Variants in ITGB8 observed in about 807,000 individuals in gnomAD.
ITGB8 encodes the protein integrin subunit beta 8.
Under a neutral mutation model 89.5 loss-of-function variants are expected in ITGB8, and 30 were observed. The observed-to-expected ratio is 0.34, with a 90% confidence interval of 0.25 to 0.45. ITGB8 has a LOEUF of 0.45. ITGB8 is among the 20% of genes least tolerant of loss of function. The pLI is 1.00. For synonymous variants in ITGB8, 335 were observed against 320.4 expected, an observed-to-expected ratio of 1.05 and a Z score of -0.49; for missense variants, 836 against 933.3, an observed-to-expected ratio of 0.90 and a Z score of 1.36.
chr7:20,379,491 T>A (rs1421560543), intron 4 of ITGB8, 194 bp downstream of exon 4: 1 of 247,926 alleles, frequency 4.0e-6, no homozygotes, highest in Non-Finnish European at 7.5e-6. Context: ...CTTTTTATTT[T>A]ATATTTCTTT....
At chr7:20,363,552 T>C (rs927326875) in intron 1 of ITGB8, 85 bp from the exon 2 acceptor site, 2 of 668,558 alleles carry the variant, frequency 3.0e-6, no homozygotes, top group Non-Finnish European at 4.6e-6. Context: ...TTTGTTTCAA[T>C]TGTTCATTTG....
At chr7:20,339,025 C>G (rs1046785745) in intron 1 of ITGB8, among the ~76,000 whole-genome samples, 1 of 151,992 alleles carries the variant, frequency 6.6e-6, no homozygotes, top group Admixed American at 6.6e-5. Flanking sequence ...AACCCTGTCT[C>G]TACTAAAAAT....
Position 20,346,876 on chromosome 7 carries a change from T to C in ITGB8, c.127+14943T>C, listed in dbSNP as rs1335024882. On this transcript the variant is annotated intron_variant, in intron 1 of 13. Transcript: ENST00000222573. ...TTGGAGTTAATGGCAGGTAGATTTG[T>C]TAGAACTTTATGCTATGGTCTAAAT... The C allele has an allele frequency of 3.0e-6, 3 of 983,840 alleles. No individual in the cohort carries two copies. The African/African-American group carries it at 5.2e-5, about 17-fold the overall frequency. 60.9% of individuals were successfully genotyped at this position (983,840 alleles called of 1,614,324 possible). A position where few individuals can be genotyped will look rare whatever the true frequency, so the allele number is the denominator to read the frequency against.
intron 1 of ITGB8, among the ~76,000 whole-genome samples, chr7:20,347,647 G>A (rs544085241): frequency 6.6e-6 from 1 of 152,322 alleles, no homozygotes; most frequent in East Asian, 1.9e-4. Context: ...TCAGGAAGAG[G>A]AACATAATGT....
rs1787862293 is a variant in ITGB8, at chr7:20,414,278, G to A, written c.*4281G>A. On this transcript the variant is annotated 3_prime_UTR_variant, in exon 14 of 14. Coordinates refer to ENST00000222573, the MANE Select transcript of ITGB8 (RefSeq NM_002214.3). The stretch of plus-strand genomic sequence containing the variant: ...TGAGTCACGCACAACTCAACATGGA[G>A]CCTAACTGATTATCAGCTCAGATCC... The A allele has an allele frequency of 6.6e-6, 1 of 152,100 alleles. No homozygotes were observed. Among genetic ancestry groups the A allele is most frequent in the Non-Finnish European group, 1.5e-5 (1 of 67,986 alleles). 9.4% of individuals were successfully genotyped at this position (152,100 alleles called of 1,614,324 possible).
intron 3 of ITGB8, among the ~76,000 whole-genome samples, chr7:20,371,352 C>CA (rs1328342406): frequency 1.3e-5 from 2 of 152,098 alleles, no homozygotes; most frequent in African/African-American, 4.8e-5. Context: ...AAAATCCAAG[C>CA]AAATCAAATG....
chr7:20,405,658 T>G (rs994253288), intron 11 of ITGB8, among the ~76,000 whole-genome samples: 1 of 152,074 alleles, frequency 6.6e-6, no homozygotes, highest in Non-Finnish European at 1.5e-5. Flanking sequence ...ATGGTGTCTG[T>G]GACACACCCT....
intron 1 of ITGB8, among the ~76,000 whole-genome samples, chr7:20,356,694 AG>A (rs1785306542): frequency 6.6e-6 from 1 of 152,206 alleles, no homozygotes; most frequent in African/African-American, 2.4e-5. Flanking sequence ...CAAGTACTAC[AG>A]TCTTTGTCAG....
At chr7:20,360,455 T>C (rs931251931) in intron 1 of ITGB8, among the ~76,000 whole-genome samples, 14 of 129,332 alleles carry the variant, frequency 1.1e-4, no homozygotes, top group Admixed American at 1.4e-4. Context: ...ATCAGCCAAA[T>C]TGTGTACATT....
chr7:20,362,433 A>G (rs1043299077), intron 1 of ITGB8, among the ~76,000 whole-genome samples: 1 of 152,210 alleles, frequency 6.6e-6, no homozygotes, highest in Non-Finnish European at 1.5e-5. Flanking sequence ...GAAGAAAGAA[A>G]ACGAGATGGC....
At chr7:20,396,196 T>C (rs956431302) in intron 8 of ITGB8, among the ~76,000 whole-genome samples, 1 of 151,992 alleles carries the variant, frequency 6.6e-6, no homozygotes, top group Non-Finnish European at 1.5e-5. Context: ...CCCAGCACTT[T>C]GGGAGGCCGA....
chr7:20,399,073 C>A (rs1466430156), intron 9 of ITGB8, 79 bp downstream of exon 9: 1 of 1,471,844 alleles, frequency 6.8e-7, no homozygotes, highest in Non-Finnish European at 9.2e-7. Context: ...GCAAACCATT[C>A]TGAAAAATTT....
At chr7:20,381,705 T>A (rs1335431754) in intron 5 of ITGB8, 22 bp from the exon 6 acceptor site, 4 of 1,579,386 alleles carry the variant, frequency 2.5e-6, no homozygotes, top group Middle Eastern at 1.7e-4. Context: ...GTACAAAGTC[T>A]AATTACATGT....
chr7:20,364,423 C>G (rs1785617250), intron 2 of ITGB8, among the ~76,000 whole-genome samples: 1 of 152,132 alleles, frequency 6.6e-6, no homozygotes, highest in Non-Finnish European at 1.5e-5. Flanking sequence ...AACAACTGTG[C>G]CTACTGTTAT....
intron 6 of ITGB8, among the ~76,000 whole-genome samples, chr7:20,385,828 A>G (rs1405844599): frequency 6.6e-6 from 1 of 152,182 alleles, no homozygotes; most frequent in Admixed American, 6.5e-5. Context: ...CGTTCATAAC[A>G]CTATTACATT....
At chr7:20,350,138 T>G (rs1785064572) in intron 1 of ITGB8, among the ~76,000 whole-genome samples, 2 of 152,148 alleles carry the variant, frequency 1.3e-5, no homozygotes, top group South Asian at 4.1e-4. Context: ...TTCCCTGTAT[T>G]GAAGTTGTTG....
At chr7:20,403,121 T>A (rs374951131) in intron 10 of ITGB8, among the ~76,000 whole-genome samples, 2 of 152,376 alleles carry the variant, frequency 1.3e-5, no homozygotes, top group East Asian at 3.9e-4. Context: ...ATCACCTAAA[T>A]GTGCAATGGA....
intron 1 of ITGB8, among the ~76,000 whole-genome samples, chr7:20,338,403 G>A (rs55871833): frequency 0.044 from 6,768 of 152,126 alleles, 192 homozygotes; most frequent in Non-Finnish European, 0.067. Flanking sequence ...GAGGTGGGAG[G>A]AACACTTGAT....
Position 20,380,766 on chromosome 7 carries a change from A to G in ITGB8, c.736A>G (p.Ile246Val). 1 of 1,613,916 alleles carries G rather than the reference A, an allele frequency of 6.2e-7. No homozygotes were observed. Among genetic ancestry groups the G allele is most frequent in the Non-Finnish European group, 8.5e-7 (1 of 1,179,764 alleles). Residue 246 changes from isoleucine (I) to valine (V), a missense_variant, in exon 5 of 14, where the codon ATC becomes GTC. Coordinates refer to ENST00000222573, the MANE Select transcript of ITGB8 (RefSeq NM_002214.3). Reference sequence around the variant, plus strand: ...TGAGAAAGCAGTTCATAGACAGAAGATCTCTGGAAACATAGATACACCAGA... The same window carrying G: ...TGAGAAAGCAGTTCATAGACAGAAGGTCTCTGGAAACATAGATACACCAGA... ...EFEKAVHRQK[I>V]SGNIDTPEGG... is the part of the protein sequence containing the mutation.
Sources: gnomAD v4.1 joint callset for allele counts (sites outside exome capture counted in the v4.1 genomes callset) on GRCh38, gnomAD v4.1.1 for gene constraint, MANE v1.5 for transcripts, NCBI Gene and HGNC (gene_info 2026-07-23, HGNC 2026-07-21) for gene names.